Variants in KALRN observed in about 807,000 individuals in gnomAD.
The protein encoded by KALRN is kalirin RhoGEF kinase.
Under a neutral mutation model 353.7 loss-of-function variants are expected in KALRN, and 70 were observed. That is an observed-to-expected ratio of 0.20 (90% CI 0.16 to 0.24). The LOEUF is 0.24. Ranked by LOEUF, KALRN falls within the 10% of genes least tolerant of loss-of-function variation. KALRN has a pLI of 1.00. For missense variants in KALRN, 2,791 were observed against 3,756.7 expected (o/e 0.74, Z 6.72); for synonymous variants, 1,391 against 1,434.8 (o/e 0.97, Z 0.69).
chr3:124,597,147 T>C lies in KALRN; in HGVS notation c.5182+34058T>C, dbSNP rs1487291760. On this transcript the variant is annotated intron_variant, in intron 34 of 59. Transcript: ENST00000682506. ...TGCCAACCATCACATTCAGATGGTTTCATTAATTCCTTAATCAAACAGGAA... is the reference window on the plus strand; with the variant it reads ...TGCCAACCATCACATTCAGATGGTTCCATTAATTCCTTAATCAAACAGGAA... Among the ~76,000 whole-genome samples, 4 of 152,202 alleles carry C rather than the reference T, an allele frequency of 2.6e-5. No homozygotes were observed. The East Asian group carries it at 7.7e-4, about 29-fold the overall frequency.
intron 1 of KALRN, among the ~76,000 whole-genome samples, chr3:124,217,226 A>G (rs576033085): frequency 3.3e-5 from 5 of 152,340 alleles, no homozygotes; most frequent in African/African-American, 9.6e-5. Context: ...ACCCACAGTA[A>G]TTGTAACTTT....
chr3:124,449,501 G>T (rs2058571939), intron 21 of KALRN, among the ~76,000 whole-genome samples: 2 of 152,158 alleles, frequency 1.3e-5, no homozygotes, highest in African/African-American at 4.8e-5. Flanking sequence ...AGATGGGGAA[G>T]CTTAGTCATC....
chr3:124,643,062 C>G (rs1197803974), intron 37 of KALRN, among the ~76,000 whole-genome samples: 1 of 152,118 alleles, frequency 6.6e-6, no homozygotes, highest in Non-Finnish European at 1.5e-5. Flanking sequence ...CGTGATCCGC[C>G]TGCCTCGGCC....
chr3:124,161,318 C>T (rs1164321089), intron 1 of KALRN, among the ~76,000 whole-genome samples: 1 of 152,064 alleles, frequency 6.6e-6, no homozygotes, highest in Non-Finnish European at 1.5e-5. Context: ...GACTGGTTAC[C>T]AGGACTCAAC....
At chr3:124,200,295 A>G (rs1452031447) in intron 1 of KALRN, among the ~76,000 whole-genome samples, 4 of 152,348 alleles carry the variant, frequency 2.6e-5, no homozygotes, top group Admixed American at 6.5e-5. Context: ...TTGGGCTGTT[A>G]TAACAAAATA....
At chr3:124,556,779 G>C (rs2109730622) in intron 33 of KALRN, among the ~76,000 whole-genome samples, 1 of 152,288 alleles carries the variant, frequency 6.6e-6, no homozygotes, top group East Asian at 1.9e-4. Context: ...GGCAATACTG[G>C]AGATCAGAAA....
chr3:124,541,808 C>T (rs566980927), intron 33 of KALRN, among the ~76,000 whole-genome samples: 4 of 151,978 alleles, frequency 2.6e-5, no homozygotes, highest in Admixed American at 6.5e-5. Flanking sequence ...AGGAGAATTG[C>T]TTGAACCCAG....
intron 55 of KALRN, 48 bp from the exon 56 acceptor site, chr3:124,699,821 T>C (rs1375208452): frequency 6.3e-7 from 1 of 1,580,848 alleles, no homozygotes; most frequent in South Asian, 1.1e-5. Flanking sequence ...TTTGAAACAA[T>C]ATCCCTTTGG....
chr3:124,104,619 A>C (rs991269136), intron 1 of KALRN, among the ~76,000 whole-genome samples: 4 of 152,170 alleles, frequency 2.6e-5, no homozygotes, highest in Non-Finnish European at 5.9e-5. Flanking sequence ...CAATTAGAAA[A>C]GGTATTGAGC....
At chr3:124,235,297 T>C (rs77336316) in intron 3 of KALRN, among the ~76,000 whole-genome samples, 1,766 of 152,240 alleles carry the variant, frequency 0.012, 29 homozygotes, top group African/African-American at 0.04. Context: ...GATTTTTTTT[T>C]CCATGTATTA....
At chr3:124,573,214 G>A (rs1002168990) in intron 34 of KALRN, among the ~76,000 whole-genome samples, 3 of 152,150 alleles carry the variant, frequency 2.0e-5, no homozygotes, top group South Asian at 2.1e-4. Flanking sequence ...AGTGAGCTAT[G>A]ATTGCACAAC....
At chr3:124,195,058 A>C (rs1207526425) in intron 1 of KALRN, among the ~76,000 whole-genome samples, 2 of 152,174 alleles carry the variant, frequency 1.3e-5, no homozygotes, top group Non-Finnish European at 2.9e-5. Flanking sequence ...CTGTGGCCCC[A>C]AATACCTTTG....
Position 124,719,076 on chromosome 3 carries a change from C to T in KALRN, c.8567C>T (p.Pro2856Leu). 1 of 1,614,222 alleles carries T rather than the reference C, an allele frequency of 6.2e-7. No homozygotes were observed. Among genetic ancestry groups the T allele is most frequent in the Non-Finnish European group, 8.5e-7 (1 of 1,180,042 alleles). ...GCCCCAGAAGTCATTCAAGGCATCC[C>T]CGTCTCCCTGGGGACAGACATCTGG... ...FAAPEVIQGI[P>L]VSLGTDIWSI... is the part of the protein sequence containing the mutation. The change falls in exon 60 of 60, where the codon CCC becomes CTC. Residue 2856 changes from proline to leucine, a missense_variant. Around this residue, in one of 11 missense-constraint regions of KALRN, gnomAD observed 188 missense variants for 402.9 expected, o/e 0.47. Coordinates refer to ENST00000682506, the MANE Select transcript of KALRN (RefSeq NM_001388419.1). This position sits in a 1 kb window ranked among gnomAD's most constrained non-coding sequence, Gnocchi z 5.3.
At chr3:124,278,324 G>A (rs896961573) in intron 5 of KALRN, among the ~76,000 whole-genome samples, 1 of 152,122 alleles carries the variant, frequency 6.6e-6, no homozygotes, top group African/African-American at 2.4e-5. Flanking sequence ...TGGAGGTGGG[G>A]TGAGTGTCTT....
At chr3:124,213,359 A>G (rs749944137) in intron 1 of KALRN, among the ~76,000 whole-genome samples, 5 of 152,092 alleles carry the variant, frequency 3.3e-5, no homozygotes, top group Non-Finnish European at 5.9e-5. Context: ...TAGATTTTAA[A>G]ATATGCCAGA....
chr3:124,184,617 C>G (rs1433993750), intron 1 of KALRN, among the ~76,000 whole-genome samples: 1 of 152,174 alleles, frequency 6.6e-6, no homozygotes. Flanking sequence ...CCTTTGAAGC[C>G]TTTCCTGACC....
At position 124,679,451 on chromosome 3, in the gene KALRN, A is replaced by C; in HGVS notation, c.7318-7A>C. ...TTTCTTCCCCCTTCCTCATGCTGCC[A>C]ATCAAGGAGACGAACAGTTCCGAGG... On this transcript the variant is annotated splice_region_variant and splice_polypyrimidine_tract_variant and intron_variant, in intron 50 of 59. Coordinates refer to ENST00000682506, the MANE Select transcript of KALRN (RefSeq NM_001388419.1). The C allele has an allele frequency of 6.2e-7, 1 of 1,612,666 alleles. No homozygotes were observed. Among genetic ancestry groups the C allele is most frequent in the Non-Finnish European group, 8.5e-7 (1 of 1,178,822 alleles).
chr3:124,621,210 C>T (rs940375096), intron 34 of KALRN, among the ~76,000 whole-genome samples: 1 of 151,970 alleles, frequency 6.6e-6, no homozygotes, highest in South Asian at 2.1e-4. Flanking sequence ...CAGGAGCAGC[C>T]GTATTGGGAA....
At chr3:124,602,939 G>GTTTGTTGTT (rs76637176) in intron 34 of KALRN, among the ~76,000 whole-genome samples, 2 of 37,514 alleles carry the variant, frequency 5.3e-5, no homozygotes, top group African/African-American at 1.5e-4. Context: ...CAGTTTTCGT[G>GTTTGTTGTT]GTTTTTTTTT....
Sources: gnomAD v4.1 joint callset for allele counts (sites outside exome capture counted in the v4.1 genomes callset) on GRCh38, gnomAD v4.1.1 for gene constraint, gnomAD v4.1.1 regional missense constraint, Gnocchi (gnomAD v3.1) non-coding constraint, MANE v1.5 for transcripts, NCBI Gene and HGNC (gene_info 2026-07-23, HGNC 2026-07-21) for gene names.